The following EYS variants were observed in gnomAD, a reference collection of about 807,000 sequenced individuals.
The protein encoded by EYS is protein eyes shut homolog.
In EYS, 250 loss-of-function variants were observed where a neutral mutation model predicts 282.1. That is an observed-to-expected ratio of 0.89 (90% CI 0.80 to 0.98). The LOEUF is 0.98. EYS is among the 50% of genes least tolerant of loss of function. The pLI is 0.00. For synonymous variants in EYS, 1,355 were observed against 1,282.9 expected, an observed-to-expected ratio of 1.06 and a Z score of -1.20; for missense variants, 4,016 against 3,709.0, an observed-to-expected ratio of 1.08 and a Z score of -2.15.
intron 26 of EYS, among the ~76,000 whole-genome samples, chr6:64,490,226 T>C (rs1417724327): frequency 6.6e-6 from 1 of 150,782 alleles, no homozygotes; most frequent in African/African-American, 2.4e-5. Flanking sequence ...AACAATATAA[T>C]ACACTAAAAC....
chr6:64,605,115 T>C (rs929609605), intron 24 of EYS, among the ~76,000 whole-genome samples: 2 of 151,992 alleles, frequency 1.3e-5, no homozygotes, highest in East Asian at 3.9e-4. Context: ...GAATATTGAT[T>C]TTTCTTATTG....
chr6:65,663,848 T>C (rs1768097311), intron 1 of EYS, among the ~76,000 whole-genome samples: 1 of 145,116 alleles, frequency 6.9e-6, no homozygotes, highest in Non-Finnish European at 1.5e-5. Context: ...GCCCAGCTAA[T>C]TTTTTGTTTT....
intron 30 of EYS, among the ~76,000 whole-genome samples, chr6:64,289,954 G>C (rs1768640880): frequency 6.6e-6 from 1 of 151,994 alleles, no homozygotes; most frequent in Non-Finnish European, 1.5e-5. Context: ...TGTAGAAAAG[G>C]TGAGAAGGCT....
intron 36 of EYS, among the ~76,000 whole-genome samples, chr6:63,827,672 G>A (rs971777590): frequency 5.9e-5 from 9 of 151,894 alleles, no homozygotes; most frequent in East Asian, 3.9e-4. Flanking sequence ...GTGAAACCCC[G>A]TCTCTACTAA....
intron 12 of EYS, among the ~76,000 whole-genome samples, chr6:65,071,505 G>A (rs1039986647): frequency 1.3e-5 from 2 of 151,630 alleles, no homozygotes; most frequent in African/African-American, 4.8e-5. Flanking sequence ...AGATCAACTA[G>A]ATAATAAAAT....
chr6:64,829,379 T>C (rs1301283020), intron 19 of EYS, among the ~76,000 whole-genome samples: 3 of 151,972 alleles, frequency 2.0e-5, no homozygotes, highest in South Asian at 2.1e-4. Context: ...AGTTAGGTAC[T>C]GCTTCCCTCA....
intron 26 of EYS, among the ~76,000 whole-genome samples, chr6:64,547,747 C>T (rs937724552): frequency 3.9e-5 from 6 of 152,162 alleles, no homozygotes; most frequent in African/African-American, 1.4e-4. Context: ...CTTGGGTGGT[C>T]GATGGGACTG....
chr6:63,798,987 G>GTATATGTGTATATATA (rs1770713500), intron 37 of EYS, among the ~76,000 whole-genome samples: 1 of 85,788 alleles, frequency 1.2e-5, no homozygotes, highest in African/African-American at 5.3e-5. Flanking sequence ...GTATATGTGT[G>GTATATGTGTATATATA]TATATATATA....
chr6:64,993,595 A>G (rs1169405048), intron 14 of EYS, among the ~76,000 whole-genome samples: 31 of 85,734 alleles, frequency 3.6e-4, no homozygotes, highest in African/African-American at 1.2e-3. Context: ...GGGAGGGGGG[A>G]GGGATAGCAT....
At chr6:64,708,774 A>G (rs938627132) in intron 22 of EYS, among the ~76,000 whole-genome samples, 2 of 152,222 alleles carry the variant, frequency 1.3e-5, no homozygotes, top group Non-Finnish European at 2.9e-5. Context: ...ATTGTCCTGG[A>G]AACAAGGAGA....
intron 19 of EYS, among the ~76,000 whole-genome samples, chr6:64,860,321 C>T (rs1766197398): frequency 6.6e-6 from 1 of 152,236 alleles, no homozygotes. Flanking sequence ...CTGTGCTCAG[C>T]TCATGCTACT....
At chr6:64,481,900 T>G (rs140753859) in intron 26 of EYS, among the ~76,000 whole-genome samples, 2 of 151,740 alleles carry the variant, frequency 1.3e-5, no homozygotes, top group African/African-American at 4.8e-5. Flanking sequence ...TGTGATTTAA[T>G]GTTTTATTAG....
At chr6:64,504,083 TAC>T (rs1161622880) in intron 26 of EYS, among the ~76,000 whole-genome samples, 19 of 152,296 alleles carry the variant, frequency 1.2e-4, no homozygotes, top group African/African-American at 4.6e-4. Context: ...CTTCATAAAT[TAC>T]ACAGTCTCAA....
chr6:64,106,346 A>G (rs1338570268), intron 31 of EYS, among the ~76,000 whole-genome samples: 1 of 152,166 alleles, frequency 6.6e-6, no homozygotes, highest in Non-Finnish European at 1.5e-5. Flanking sequence ...TGCCTGAAAA[A>G]AAATCTTTGA....
In EYS at chr6:65,549,057, G is replaced by A. The variant is rs543532222; in HGVS notation, c.-332-53064C>T. Among the ~76,000 whole-genome samples the A allele has an allele frequency of 3.9e-5, 6 of 152,172 alleles. No individual in the cohort carries two copies. In the South Asian group the frequency reaches 6.2e-4, roughly 16 times the overall value. On this transcript the variant is annotated intron_variant, in intron 2 of 42. Transcript: ENST00000503581. ...TTGAGCACCAGTGAGGCTCTAATGC[G>A]CCCCTGACCTGACAGGAGGCAAAGC...
chr6:64,893,312 C>A (rs896489545), intron 18 of EYS, among the ~76,000 whole-genome samples: 1 of 151,994 alleles, frequency 6.6e-6, no homozygotes, highest in South Asian at 2.1e-4. Context: ...TTAATTGTTG[C>A]AGGCCACAGT....
intron 12 of EYS, among the ~76,000 whole-genome samples, chr6:65,080,211 G>T (rs371411926): frequency 2.3e-4 from 35 of 152,102 alleles, no homozygotes; most frequent in African/African-American, 8.2e-4. Context: ...GACAGAACAC[G>T]CCCAGAGTTA....
chr6:64,867,869 C>G (rs1766471905), intron 19 of EYS, among the ~76,000 whole-genome samples: 1 of 151,490 alleles, frequency 6.6e-6, no homozygotes, highest in Non-Finnish European at 1.5e-5. Flanking sequence ...CTTTTATCTT[C>G]AATCAACACT....
chr6:64,192,122 G>A (rs1468429638), intron 31 of EYS, among the ~76,000 whole-genome samples: 1 of 143,820 alleles, frequency 7.0e-6, no homozygotes, highest in Non-Finnish European at 1.5e-5. Flanking sequence ...TTGCATAAAT[G>A]TCTTCTTTTG....
Sources: gnomAD v4.1 joint callset for allele counts (sites outside exome capture counted in the v4.1 genomes callset) on GRCh38, gnomAD v4.1.1 for gene constraint, MANE v1.5 for transcripts, NCBI Gene and HGNC (gene_info 2026-07-23, HGNC 2026-07-21) for gene names.